The following CDH22 variants were observed in gnomAD, a reference collection of about 807,000 sequenced individuals.
CDH22 encodes cadherin 22.
In CDH22, 30 loss-of-function variants were observed where a neutral mutation model predicts 58.4. The ratio of observed to expected loss-of-function variants is 0.51; its 90% CI spans 0.38 to 0.70. The LOEUF (loss-of-function observed/expected upper bound fraction) is 0.70. Among genes scored for constraint, CDH22 ranks in the 30% least tolerant of loss-of-function variants. CDH22 has a pLI of 0.00. For missense variants in CDH22, 1,014 were observed against 1,233.9 expected (o/e 0.82, Z 2.67); for synonymous variants, 513 against 558.2 (o/e 0.92, Z 1.14).
intron 1 of CDH22, among the ~76,000 whole-genome samples, chr20:46,274,361 G>A (rs6074086): frequency 4.6e-5 from 7 of 152,164 alleles, no homozygotes; most frequent in South Asian, 2.1e-4. Flanking sequence ...TGGACACCAC[G>A]TGCCCAAGTT....
chr20:46,276,360 C>T (rs889601448), intron 1 of CDH22, among the ~76,000 whole-genome samples: 1 of 152,276 alleles, frequency 6.6e-6, no homozygotes, highest in East Asian at 1.9e-4. Flanking sequence ...GCAGAACAGA[C>T]TGGAGGGGCC....
intron 1 of CDH22, among the ~76,000 whole-genome samples, chr20:46,295,026 C>T (rs76596707): frequency 0.021 from 3,122 of 152,208 alleles, 122 homozygotes; most frequent in African/African-American, 0.071. Context: ...ACCTCTTCCA[C>T]GAAGGGCACA....
chr20:46,222,142 T>A (rs892474567), intron 4 of CDH22, among the ~76,000 whole-genome samples: 1 of 152,212 alleles, frequency 6.6e-6, no homozygotes, highest in Non-Finnish European at 1.5e-5. Context: ...AGAGGAAGCT[T>A]CCAGCAGCAG....
chr20:46,279,331 C>T (rs181629020), intron 1 of CDH22, among the ~76,000 whole-genome samples: 116 of 152,252 alleles, frequency 7.6e-4, no homozygotes, highest in African/African-American at 2.6e-3. Flanking sequence ...GGTGTGTACA[C>T]AGATGGTCAC....
At chr20:46,275,494 G>A (rs563311683) in intron 1 of CDH22, among the ~76,000 whole-genome samples, 8 of 152,162 alleles carry the variant, frequency 5.3e-5, no homozygotes, top group East Asian at 1.9e-4. Flanking sequence ...CATATTATGC[G>A]ATTTACTTAT....
chr20:46,306,248 C>T (rs1464471064), intron 1 of CDH22, among the ~76,000 whole-genome samples: 1 of 152,234 alleles, frequency 6.6e-6, no homozygotes, highest in Non-Finnish European at 1.5e-5. Flanking sequence ...ACATAAGCAG[C>T]GTTGGTGAGG....
chr20:46,209,985 G>C (rs73622659), intron 7 of CDH22: 15,168 of 288,044 alleles, frequency 0.053, 1,201 homozygotes, highest in East Asian at 0.3. Flanking sequence ...AGAGATCAGG[G>C]AGCCAGTGTG....
intron 1 of CDH22, among the ~76,000 whole-genome samples, chr20:46,285,045 T>G (rs1352791306): frequency 6.6e-6 from 1 of 152,168 alleles, no homozygotes; most frequent in East Asian, 1.9e-4. Context: ...TGGTCTTCAT[T>G]CATCCCCAAC....
intron 1 of CDH22, among the ~76,000 whole-genome samples, chr20:46,262,087 C>T (rs1021212543): frequency 3.3e-5 from 5 of 152,076 alleles, no homozygotes; most frequent in Admixed American, 2.6e-4. Flanking sequence ...AAGTGTGGAG[C>T]GAGAGACTAA....
At chr20:46,184,378 G>A (rs1430930250) in intron 10 of CDH22, among the ~76,000 whole-genome samples, 2 of 152,074 alleles carry the variant, frequency 1.3e-5, no homozygotes, top group Non-Finnish European at 2.9e-5. Flanking sequence ...AGATTACAGG[G>A]CTGAGCCACT....
At chr20:46,180,900 A>T (rs926672544) in intron 10 of CDH22, among the ~76,000 whole-genome samples, 8 of 143,484 alleles carry the variant, frequency 5.6e-5, no homozygotes, top group Non-Finnish European at 7.6e-5. Context: ...TGCTCAGCTA[A>T]TTTTTTTTAA....
At chr20:46,262,270 G>A (rs1037273401) in intron 1 of CDH22, among the ~76,000 whole-genome samples, 1 of 151,964 alleles carries the variant, frequency 6.6e-6, no homozygotes, top group Non-Finnish European at 1.5e-5. Context: ...AAGCTTCTGG[G>A]CTTGGTAGCT....
In CDH22 at chr20:46,196,053, G is replaced by C. The variant is rs979203800; in HGVS notation, c.1423+3370C>G. On this transcript the variant is annotated intron_variant, in intron 8 of 11. Coordinates refer to ENST00000537909, the MANE Select transcript of CDH22 (RefSeq NM_021248.3). Reference sequence around the variant, plus strand: ...ATGGACGCTTTGGCAGGAGGGCATGGGGCTGGGTGGGCAGACCCGATGGCC... The same window carrying C: ...ATGGACGCTTTGGCAGGAGGGCATGCGGCTGGGTGGGCAGACCCGATGGCC... Among the ~76,000 whole-genome samples the C allele has an allele frequency of 5.9e-5, 9 of 152,252 alleles. No homozygotes were observed. The South Asian group carries it at 1.5e-3, about 25-fold the overall frequency.
At chr20:46,240,923 A>C (rs1600712575) in intron 3 of CDH22, 40 bp downstream of exon 3, 1 of 1,563,924 alleles carries the variant, frequency 6.4e-7, no homozygotes, top group Non-Finnish European at 8.7e-7. Context: ...CTTGGGGATC[A>C]CCTTGATCCC....
At chr20:46,195,299 T>G (rs1289214279) in intron 8 of CDH22, among the ~76,000 whole-genome samples, 1 of 152,224 alleles carries the variant, frequency 6.6e-6, no homozygotes, top group Non-Finnish European at 1.5e-5. Flanking sequence ...AGGTATAGAC[T>G]GGGCCCTGCC....
At chr20:46,252,271 G>A (rs1464418150) in intron 1 of CDH22, among the ~76,000 whole-genome samples, 2 of 152,194 alleles carry the variant, frequency 1.3e-5, no homozygotes, top group African/African-American at 4.8e-5. Flanking sequence ...TAGGGATACA[G>A]CACCTGAGTC....
At chr20:46,196,532 C>T (rs2085904000) in intron 8 of CDH22, among the ~76,000 whole-genome samples, 1 of 152,172 alleles carries the variant, frequency 6.6e-6, no homozygotes, top group Non-Finnish European at 1.5e-5. Context: ...CTTTGGCCTC[C>T]CAAAGTACTG....
intron 3 of CDH22, among the ~76,000 whole-genome samples, chr20:46,229,062 A>T (rs1388707187): frequency 6.6e-6 from 1 of 152,124 alleles, no homozygotes; most frequent in Non-Finnish European, 1.5e-5. Context: ...CTCCAGCTCC[A>T]TGTCAACCAT....
chr20:46,280,984 A>G (rs557816067), intron 1 of CDH22, among the ~76,000 whole-genome samples: 8 of 152,310 alleles, frequency 5.3e-5, no homozygotes, highest in African/African-American at 1.9e-4. Context: ...TTGTGGGGTT[A>G]AAGGACCAAT....
Sources: allele counts gnomAD v4.1 joint callset (sites outside exome capture counted in the v4.1 genomes callset), GRCh38; gene constraint gnomAD v4.1.1; transcripts MANE v1.5; gene names NCBI Gene and HGNC (gene_info 2026-07-23, HGNC 2026-07-21).